Variants in CRYZL1 observed in about 807,000 individuals in gnomAD.
CRYZL1 encodes crystallin zeta like 1, also known as ferry endosomal RAB5 effector complex subunit 4.
CRYZL1 carries 34 observed loss-of-function variants against 50.6 expected under a neutral mutation model. The observed-to-expected ratio is 0.67, with a 90% CI of 0.51 to 0.89. The LOEUF (loss-of-function observed/expected upper bound fraction) is 0.89. CRYZL1 is among the 40% of genes least tolerant of loss of function. CRYZL1 has a pLI of 0.00. For missense variants in CRYZL1, 354 were observed against 402.3 expected, an observed-to-expected ratio of 0.88 and a Z score of 1.03; for synonymous variants, 125 against 134.3, an observed-to-expected ratio of 0.93 and a Z score of 0.48.
At chr21:33,611,552 A>G (rs2086873147) in intron 6 of CRYZL1, among the ~76,000 whole-genome samples, 2 of 152,196 alleles carry the variant, frequency 1.3e-5, no homozygotes, top group Non-Finnish European at 2.9e-5. Flanking sequence ...CTATTTTTGG[A>G]AGACCCAAAT....
intron 2 of CRYZL1, among the ~76,000 whole-genome samples, chr21:33,629,605 C>T (rs1402280078): frequency 3.3e-5 from 5 of 152,160 alleles, no homozygotes; most frequent in African/African-American, 1.2e-4. Flanking sequence ...TTTACTGATT[C>T]ATTAATTAGT....
At chr21:33,592,979 G>A (rs1217953517) in intron 11 of CRYZL1, among the ~76,000 whole-genome samples, 1 of 151,488 alleles carries the variant, frequency 6.6e-6, no homozygotes, top group Non-Finnish European at 1.5e-5. Context: ...TTGAACCTGG[G>A]AGGCAGAGGT....
In CRYZL1 at chr21:33,595,842, A is replaced by T; in HGVS notation, c.799-6T>A. 6.3e-7 allele frequency: 1 copy of T among 1,581,348 alleles called. No homozygotes were observed. The highest frequency in any genetic ancestry group is 8.7e-7 in the Non-Finnish European group (1 of 1,150,202). The stretch of plus-strand genomic sequence containing the variant: ...TGGCTATCTGGAGGATCCAACTTGG[A>T]TAGAATGAAACAAAGACTAATCAAT... On this transcript the variant is annotated splice_polypyrimidine_tract_variant and splice_region_variant and intron_variant, in intron 10 of 12. Transcript: ENST00000381554.
At chr21:33,591,409 T>C (rs2086641518) in intron 11 of CRYZL1, 5 of 584,548 alleles carry the variant, frequency 8.6e-6, no homozygotes, top group Non-Finnish European at 1.5e-5. Flanking sequence ...GGTGGTGTAA[T>C]AGAGCCTAAA....
At chr21:33,604,355 CAAAAA>C (rs71194858) in intron 6 of CRYZL1, among the ~76,000 whole-genome samples, 31,892 of 69,530 alleles carry the variant, frequency 0.46, 5,494 homozygotes, top group East Asian at 0.55. Flanking sequence ...GACTCCGTCT[CAAAAA>C]AAAAAAAAAA....
chr21:33,608,794 T>C (rs2086840155), intron 6 of CRYZL1, among the ~76,000 whole-genome samples: 1 of 152,242 alleles, frequency 6.6e-6, no homozygotes, highest in Admixed American at 6.5e-5. Context: ...GTCCACAACT[T>C]GGCTGTTGTG....
chr21:33,594,259 T>C (rs1303919382), intron 11 of CRYZL1, among the ~76,000 whole-genome samples: 1 of 151,322 alleles, frequency 6.6e-6, no homozygotes, highest in Non-Finnish European at 1.5e-5. Context: ...GTTCAAGCAA[T>C]TCCCCTGCCT....
At position 33,598,994 on chromosome 21, in the gene CRYZL1, C is replaced by T. The variant is rs147207829; in HGVS notation, c.676+156G>A. Among the ~76,000 whole-genome samples the T allele has an allele frequency of 9.2e-3, 1,397 of 152,152 alleles. 8 individuals are homozygous for T. Among genetic ancestry groups the T allele is most frequent in the Non-Finnish European group, 0.013 (917 of 67,998 alleles). Reference sequence around the variant, plus strand: ...TACAATGAGAATAAAGTGGAAGTTCCAATTTAAATTAAAAAGTCTTCAGTT... The same window carrying T: ...TACAATGAGAATAAAGTGGAAGTTCTAATTTAAATTAAAAAGTCTTCAGTT... On this transcript the variant is annotated intron_variant, in intron 9 of 12. Transcript: ENST00000381554.
chr21:33,610,662 C>A (rs1034069806), intron 6 of CRYZL1, among the ~76,000 whole-genome samples: 1 of 151,216 alleles, frequency 6.6e-6, no homozygotes, highest in African/African-American at 2.4e-5. Flanking sequence ...TGCTTTTCTC[C>A]TTCTGGTCCA....
intron 10 of CRYZL1, among the ~76,000 whole-genome samples, 161 bp downstream of exon 10, chr21:33,597,119 C>T (rs1037725416): frequency 3.9e-5 from 6 of 152,138 alleles, no homozygotes; most frequent in South Asian, 2.1e-4. Flanking sequence ...ATCCGCCCGC[C>T]GCGGCCTCCC....
intron 10 of CRYZL1, among the ~76,000 whole-genome samples, chr21:33,596,621 A>G (rs1293790471): frequency 6.6e-6 from 1 of 152,118 alleles, no homozygotes; most frequent in East Asian, 1.9e-4. Flanking sequence ...CTGGGCAACA[A>G]GAGCGAAACT....
rs144093564 is a variant in CRYZL1 at position 33,626,858 on chromosome 21, C to T, written c.67-2098G>A. On this transcript the variant is annotated intron_variant, in intron 2 of 12. Transcript: ENST00000381554. The stretch of plus-strand genomic sequence containing the variant: ...ATCAGTCTCCTCTACCCAATATGCC[C>T]ACAATTAGATGAAAAGCTAGCCAAG... Among the ~76,000 whole-genome samples the T allele has an allele frequency of 6.6e-3, 1,000 of 152,212 alleles. 8 individuals carry two copies. The highest frequency in any genetic ancestry group is 0.023 in the African/African-American group (946 of 41,532).
chr21:33,618,233 G>A (rs1601341075), intron 4 of CRYZL1, among the ~76,000 whole-genome samples: 1 of 142,562 alleles, frequency 7.0e-6, no homozygotes, highest in Non-Finnish European at 1.5e-5. Flanking sequence ...AGCTTGCAGT[G>A]AGCCAAGACT....
At chr21:33,611,846 A>G (rs776502302) in intron 6 of CRYZL1, among the ~76,000 whole-genome samples, 1 of 152,236 alleles carries the variant, frequency 6.6e-6, no homozygotes, top group Non-Finnish European at 1.5e-5. Context: ...TAAATAACAT[A>G]TGCTTAATTT....
chr21:33,590,802 A>G (rs997968536), intron 12 of CRYZL1, among the ~76,000 whole-genome samples: 7 of 152,242 alleles, frequency 4.6e-5, no homozygotes, highest in African/African-American at 1.7e-4. Context: ...GGTTACTTCA[A>G]GTTGCTTTGG....
At chr21:33,614,980 C>A (rs1275238671) in intron 5 of CRYZL1, among the ~76,000 whole-genome samples, 1 of 151,992 alleles carries the variant, frequency 6.6e-6, no homozygotes, top group East Asian at 1.9e-4. Flanking sequence ...ATTTCCTGAG[C>A]AGAATAAAAA....
chr21:33,629,410 C>T (rs968396269), intron 2 of CRYZL1, among the ~76,000 whole-genome samples: 8 of 152,146 alleles, frequency 5.3e-5, no homozygotes, highest in East Asian at 1.9e-4. Flanking sequence ...TAGAGGCGCA[C>T]GCCACCACAC....
chr21:33,624,227 A>G (rs1001417108), intron 3 of CRYZL1, among the ~76,000 whole-genome samples: 38 of 152,274 alleles, frequency 2.5e-4, no homozygotes, highest in African/African-American at 9.1e-4. Context: ...AAAGCACACT[A>G]AATTTTTTCC....
chr21:33,598,633 GT>G (rs950122634), intron 9 of CRYZL1, among the ~76,000 whole-genome samples: 2 of 152,186 alleles, frequency 1.3e-5, no homozygotes, highest in African/African-American at 4.8e-5. Context: ...ATGATGCTGT[GT>G]TTTCTGGGAG....
Sources: gnomAD v4.1 joint callset for allele counts (sites outside exome capture counted in the v4.1 genomes callset) on GRCh38, gnomAD v4.1.1 for gene constraint, MANE v1.5 for transcripts, NCBI Gene and HGNC (gene_info 2026-07-23, HGNC 2026-07-21) for gene names.